The following MRTFB variants were observed in gnomAD, a reference collection of about 807,000 sequenced individuals.
The protein encoded by MRTFB is myocardin related transcription factor B, also known as myocardin-related transcription factor B.
A neutral mutation model predicts 104.2 loss-of-function variants in MRTFB; 29 were observed. The ratio of observed to expected loss-of-function variants is 0.28; its 90% CI spans 0.21 to 0.38. The LOEUF is 0.38. Among genes scored for constraint, MRTFB ranks in the 10% least tolerant of loss-of-function variants. MRTFB has a pLI of 1.00. For missense variants in MRTFB, 1,270 were observed against 1,341.6 expected, an observed-to-expected ratio of 0.95 and a Z score of 0.83; for synonymous variants, 535 against 519.5, an observed-to-expected ratio of 1.03 and a Z score of -0.41.
At chr16:14,051,217 G>A in the MRTFB span, among the ~76,000 whole-genome samples, 1 of 151,076 alleles carries the variant, frequency 6.6e-6, no homozygotes, top group East Asian at 1.9e-4. Context: ...GACACACAAA[G>A]ACACACACAG....
intron 3 of MRTFB, among the ~76,000 whole-genome samples, chr16:14,171,256 T>A (rs2039413491): frequency 6.6e-6 from 1 of 152,198 alleles, no homozygotes; most frequent in South Asian, 2.1e-4. Context: ...GTTCATTGTT[T>A]CTAGATCCTC....
At chr16:14,119,559 A>G (rs1432827177) in intron 2 of MRTFB, among the ~76,000 whole-genome samples, 1 of 152,210 alleles carries the variant, frequency 6.6e-6, no homozygotes, top group Non-Finnish European at 1.5e-5. Flanking sequence ...AAATTTTACT[A>G]GGAAATAGTA....
the MRTFB span, among the ~76,000 whole-genome samples, chr16:14,037,580 T>A: frequency 6.6e-6 from 1 of 152,212 alleles, no homozygotes; most frequent in African/African-American, 2.4e-5. Context: ...TTCTGATCAC[T>A]GCCTCCGTAT....
At chr16:14,078,993 G>C (rs983942067) in intron 1 of MRTFB, among the ~76,000 whole-genome samples, 1 of 152,086 alleles carries the variant, frequency 6.6e-6, no homozygotes, top group African/African-American at 2.4e-5. Context: ...GGTAGAACCG[G>C]GATCTAATGC....
In MRTFB at chr16:14,079,297, A is replaced by G. The variant is rs148029284; in HGVS notation, c.-121A>G. On this transcript the variant is annotated 5_prime_UTR_variant, in exon 2 of 17. Coordinates refer to ENST00000571589, the MANE Select transcript of MRTFB (RefSeq NM_001308142.2). ...CTGCCTTTTTTTTTCCAGGTTCACA[A>G]TAAAGGTGCTAAGAAAGAGAATGTA... The G allele has an allele frequency of 2.7e-3, 963 of 354,276 alleles. 1 individual carries two copies. Among genetic ancestry groups the G allele is most frequent in the Non-Finnish European group, 3.9e-3 (769 of 194,932 alleles). The allele number at this position is 354,276 out of a possible 1,614,324, so 21.9% of individuals were successfully genotyped here.
chr16:14,023,539 G>A, the MRTFB span, among the ~76,000 whole-genome samples: 171 of 150,974 alleles, frequency 1.1e-3, 1 homozygote, highest in African/African-American at 3.6e-3. Flanking sequence ...TTCATCATCC[G>A]TAAAATGAAA....
At chr16:14,135,504 G>T (rs901400451) in intron 2 of MRTFB, among the ~76,000 whole-genome samples, 1 of 152,226 alleles carries the variant, frequency 6.6e-6, no homozygotes, top group African/African-American at 2.4e-5. Flanking sequence ...GCCTAGGAGT[G>T]TAGTAGACTG....
chr16:14,001,933 T>C, the MRTFB span, among the ~76,000 whole-genome samples: 1 of 152,356 alleles, frequency 6.6e-6, no homozygotes, highest in East Asian at 1.9e-4. Flanking sequence ...ACTGATTCAT[T>C]ATTTGTCTTT....
chr16:14,148,156 T>C (rs1412686836), intron 3 of MRTFB, among the ~76,000 whole-genome samples: 1 of 152,160 alleles, frequency 6.6e-6, no homozygotes, highest in Non-Finnish European at 1.5e-5. Flanking sequence ...ATATACATAA[T>C]ATAAATGATC....
chr16:14,090,706 G>C (rs1474967655), intron 2 of MRTFB, among the ~76,000 whole-genome samples: 8 of 152,102 alleles, frequency 5.3e-5, no homozygotes. Context: ...TCTCTCTTCT[G>C]GTTACTTCCT....
intron 2 of MRTFB, among the ~76,000 whole-genome samples, chr16:14,091,112 G>A (rs1005692289): frequency 3.4e-4 from 51 of 152,142 alleles, no homozygotes; most frequent in African/African-American, 1.2e-3. Context: ...TACCATGGAT[G>A]CTGGATGCAA....
At chr16:14,085,194 G>A (rs1306706671) in intron 2 of MRTFB, among the ~76,000 whole-genome samples, 1 of 151,742 alleles carries the variant, frequency 6.6e-6, no homozygotes, top group Admixed American at 6.6e-5. Context: ...GGTGGCCCAC[G>A]CCTGTAATCC....
the MRTFB span, among the ~76,000 whole-genome samples, chr16:14,047,493 C>A: frequency 6.6e-6 from 1 of 152,108 alleles, no homozygotes; most frequent in South Asian, 2.1e-4. Context: ...TATATTAGTC[C>A]GTTCTTACGC....
chr16:14,173,491 C>T (rs574731748), intron 3 of MRTFB, among the ~76,000 whole-genome samples: 3 of 152,062 alleles, frequency 2.0e-5, no homozygotes. Flanking sequence ...TCTCTAACTG[C>T]TTATTATTTG....
In MRTFB at chr16:14,265,226, T is replaced by C. The variant is rs2043905848; in HGVS notation, c.*3782T>C. 6.6e-6 allele frequency: 1 copy of C among 152,226 alleles called. No individual in the cohort carries two copies. The highest frequency in any genetic ancestry group is 6.5e-5 in the Admixed American group (1 of 15,276). The allele number at this position is 152,226 out of a possible 1,614,324, so 9.4% of individuals were successfully genotyped here. ...CAGTGTCTACTAGCAGAGCAACATG[T>C]GTCAATTTAACCAAATTCACAAATA... On this transcript the variant is annotated 3_prime_UTR_variant, in exon 17 of 17. Coordinates refer to ENST00000571589, the MANE Select transcript of MRTFB (RefSeq NM_001308142.2).
At chr16:14,003,633 C>T in the MRTFB span, among the ~76,000 whole-genome samples, 6 of 106,172 alleles carry the variant, frequency 5.7e-5, no homozygotes, top group East Asian at 2.1e-4. Flanking sequence ...GGCCTGCCTG[C>T]CTGCCTGCCT....
intron 3 of MRTFB, chr16:14,195,482 G>C (rs1325155856): frequency 1.0e-6 from 1 of 978,256 alleles, no homozygotes; most frequent in East Asian, 1.1e-4. Context: ...TTGAGTGTGT[G>C]TTTGTATCAG....
chr16:14,054,429 C>T, the MRTFB span, among the ~76,000 whole-genome samples: 2 of 152,088 alleles, frequency 1.3e-5, no homozygotes, highest in Admixed American at 6.5e-5. Flanking sequence ...ATTGGCCAGG[C>T]TGGTCTCCAA....
intron 3 of MRTFB, among the ~76,000 whole-genome samples, chr16:14,187,336 T>TC (rs1328341575): frequency 6.6e-6 from 1 of 152,204 alleles, no homozygotes; most frequent in Non-Finnish European, 1.5e-5. Context: ...TTCCTTTTTT[T>TC]CTCTTCCCTC....
Sources: allele counts gnomAD v4.1 joint callset (sites outside exome capture counted in the v4.1 genomes callset), GRCh38; gene constraint gnomAD v4.1.1; transcripts MANE v1.5; gene names NCBI Gene and HGNC (gene_info 2026-07-23, HGNC 2026-07-21).